Variants in MSRA observed in about 807,000 individuals in gnomAD.
MSRA encodes methionine sulfoxide reductase A.
In MSRA, 54 loss-of-function variants were observed where a neutral mutation model predicts 31.3. That is an observed-to-expected ratio of 1.73 (90% CI 1.39 to 2.17). The LOEUF is 2.17. Ranked by LOEUF, MSRA falls within the 30% of genes most tolerant of loss-of-function variation. The pLI is 0.00. For missense variants in MSRA, 507 were observed against 300.9 expected (o/e 1.69, Z -5.07); for synonymous variants, 169 against 116.5 (o/e 1.45, Z -2.90).
intron 4 of MSRA, among the ~76,000 whole-genome samples, chr8:10,313,013 C>G (rs1204919117): frequency 2.0e-5 from 3 of 152,130 alleles, no homozygotes; most frequent in Non-Finnish European, 2.9e-5. Flanking sequence ...CTAGCTCATG[C>G]AGTAAGTCAA....
chr8:10,347,850 C>G lies in MSRA; in HGVS notation c.543+27861C>G, dbSNP rs556687151. On this transcript the variant is annotated intron_variant, in intron 5 of 5. Coordinates refer to ENST00000317173, the MANE Select transcript of MSRA (RefSeq NM_012331.5). The stretch of plus-strand genomic sequence containing the variant: ...CCCTCCTTTCTGCTGCCTTTACCAC[C>G]TCCGCAGCTTAAACAATGACTGAAC... Among the ~76,000 whole-genome samples the G allele has an allele frequency of 1.2e-4, 18 of 152,308 alleles. No individual in the cohort carries two copies. The South Asian group carries it at 3.7e-3, about 32-fold the overall frequency.
intron 1 of MSRA, among the ~76,000 whole-genome samples, chr8:10,062,864 G>A (rs1463199764): frequency 6.6e-6 from 1 of 152,174 alleles, no homozygotes; most frequent in Non-Finnish European, 1.5e-5. Flanking sequence ...TGCTAGTGAG[G>A]CACTGAGTTG....
chr8:10,167,296 C>G (rs2129044794), intron 1 of MSRA, among the ~76,000 whole-genome samples: 1 of 152,298 alleles, frequency 6.6e-6, no homozygotes, highest in Non-Finnish European at 1.5e-5. Context: ...CTGCTCTGTC[C>G]ATTTCTGTTG....
intron 1 of MSRA, among the ~76,000 whole-genome samples, chr8:10,190,742 G>A (rs1807436969): frequency 6.6e-6 from 1 of 152,332 alleles, no homozygotes; most frequent in South Asian, 2.1e-4. Context: ...CTTGTAAGCA[G>A]TATCTGAGTT....
chr8:10,177,969 T>C (rs1392997261), intron 1 of MSRA, among the ~76,000 whole-genome samples: 1 of 152,200 alleles, frequency 6.6e-6, no homozygotes, highest in East Asian at 1.9e-4. Flanking sequence ...TTGAACCAGG[T>C]CAAGAACCTG....
At chr8:10,347,935 A>G (rs1479790729) in intron 5 of MSRA, among the ~76,000 whole-genome samples, 1 of 152,208 alleles carries the variant, frequency 6.6e-6, no homozygotes, top group African/African-American at 2.4e-5. Context: ...ATCGATGCAG[A>G]TGTCTTCTTT....
At chr8:10,135,344 C>G (rs1004801794) in intron 1 of MSRA, among the ~76,000 whole-genome samples, 1 of 152,114 alleles carries the variant, frequency 6.6e-6, no homozygotes, top group Non-Finnish European at 1.5e-5. Context: ...AAAAGAAATC[C>G]CAGTTTACTT....
At chr8:10,423,019 G>C (rs995046064) in intron 5 of MSRA, among the ~76,000 whole-genome samples, 1 of 152,226 alleles carries the variant, frequency 6.6e-6, no homozygotes, top group African/African-American at 2.4e-5. Context: ...TGTTTCTGGT[G>C]ACATCCCACT....
At chr8:10,075,840 C>G (rs1797969001) in intron 1 of MSRA, among the ~76,000 whole-genome samples, 1 of 152,140 alleles carries the variant, frequency 6.6e-6, no homozygotes, top group Non-Finnish European at 1.5e-5. Flanking sequence ...CCATGGGTAC[C>G]ACTTTCCTCT....
At chr8:10,207,541 G>T (rs915653594) in intron 1 of MSRA, among the ~76,000 whole-genome samples, 19 of 152,258 alleles carry the variant, frequency 1.2e-4, no homozygotes, top group African/African-American at 3.9e-4. Flanking sequence ...ACTCTGGCTG[G>T]GTGTCGGGAG....
At chr8:10,189,822 A>G (rs1186184899) in intron 1 of MSRA, among the ~76,000 whole-genome samples, 2 of 152,110 alleles carry the variant, frequency 1.3e-5, no homozygotes, top group Non-Finnish European at 2.9e-5. Context: ...GCATCAGAGT[A>G]ATGTGGGTCT....
At chr8:10,425,714 G>A (rs559165316) in intron 5 of MSRA, among the ~76,000 whole-genome samples, 1 of 152,362 alleles carries the variant, frequency 6.6e-6, no homozygotes, top group East Asian at 1.9e-4. Flanking sequence ...TGTCAGCCGC[G>A]GAGTGGGTAG....
chr8:10,188,305 T>G (rs1807226278), intron 1 of MSRA, among the ~76,000 whole-genome samples: 1 of 152,226 alleles, frequency 6.6e-6, no homozygotes, highest in Non-Finnish European at 1.5e-5. Context: ...TGGATTTGTG[T>G]AACACAGATC....
chr8:10,192,154 A>G (rs530301073), intron 1 of MSRA, among the ~76,000 whole-genome samples: 3 of 152,322 alleles, frequency 2.0e-5, no homozygotes, highest in Middle Eastern at 3.4e-3. Context: ...GATGGAAGTC[A>G]TAGTCTATCA....
At chr8:10,339,833 G>C (rs551145119) in intron 5 of MSRA, among the ~76,000 whole-genome samples, 2 of 151,714 alleles carry the variant, frequency 1.3e-5, no homozygotes, top group African/African-American at 4.8e-5. Flanking sequence ...GAGCCACCAC[G>C]CCCGGCAGCA....
chr8:10,204,033 TAGG>T (rs771660265), intron 1 of MSRA, among the ~76,000 whole-genome samples: 17 of 151,904 alleles, frequency 1.1e-4, no homozygotes, highest in East Asian at 9.6e-4. Flanking sequence ...ATTTTAAAAA[TAGG>T]AAGAAGTTTT....
intron 3 of MSRA, among the ~76,000 whole-genome samples, chr8:10,266,116 G>A (rs1285435706): frequency 6.6e-6 from 1 of 152,202 alleles, no homozygotes; most frequent in Non-Finnish European, 1.5e-5. Flanking sequence ...ACCTAGAAAT[G>A]GAATGACCAG....
At chr8:10,416,543 C>T (rs903702228) in intron 5 of MSRA, among the ~76,000 whole-genome samples, 3 of 152,202 alleles carry the variant, frequency 2.0e-5, no homozygotes, top group Non-Finnish European at 2.9e-5. Flanking sequence ...CAAGTAGGGA[C>T]GCTTCCGCTA....
intron 1 of MSRA, among the ~76,000 whole-genome samples, chr8:10,060,476 A>T (rs1031792788): frequency 2.6e-5 from 4 of 152,244 alleles, no homozygotes; most frequent in Non-Finnish European, 5.9e-5. Flanking sequence ...CTGTGTAATG[A>T]GGATGGATGG....
Sources: gnomAD v4.1 joint callset for allele counts (sites outside exome capture counted in the v4.1 genomes callset) on GRCh38, gnomAD v4.1.1 for gene constraint, MANE v1.5 for transcripts, NCBI Gene and HGNC (gene_info 2026-07-23, HGNC 2026-07-21) for gene names.